The following BBS2 variants were observed in gnomAD, a reference collection of about 807,000 sequenced individuals.
The protein encoded by BBS2 is BBSome complex member BBS2.
A neutral mutation model predicts 83.0 loss-of-function variants in BBS2; 62 were observed. That is an observed-to-expected ratio of 0.75 (90% CI 0.61 to 0.92). The LOEUF (loss-of-function observed/expected upper bound fraction) is 0.92, where lower values mean the gene tolerates loss of function less well. Ranked by LOEUF, BBS2 falls within the 40% of genes least tolerant of loss-of-function variation. The probability of loss-of-function intolerance (pLI) is 0.00; values close to 1 mark genes in which losing one functional copy is unlikely to be tolerated. For synonymous variants in BBS2, 303 were observed against 326.1 expected, an observed-to-expected ratio of 0.93 and a Z score of 0.76; for missense variants, 784 against 901.0, an observed-to-expected ratio of 0.87 and a Z score of 1.66.
intron 16 of BBS2, 64 bp from the exon 17 acceptor site, chr16:56,484,931 C>T (rs978580564): frequency 2.0e-5 from 26 of 1,286,250 alleles, no homozygotes; most frequent in Admixed American, 1.4e-4. Flanking sequence ...AATTAGACGT[C>T]AGTTTTAAAA....
intron 8 of BBS2, 41 bp downstream of exon 8, chr16:56,502,632 G>GA (rs1388189482): frequency 2.5e-6 from 4 of 1,613,906 alleles, no homozygotes; most frequent in Non-Finnish European, 3.4e-6. Flanking sequence ...CAATCAAATG[G>GA]AAAACGTGAC....
chr16:56,494,798 T>G (rs1964066338), intron 15 of BBS2, among the ~76,000 whole-genome samples: 1 of 151,746 alleles, frequency 6.6e-6, no homozygotes, highest in African/African-American at 2.4e-5. Context: ...CTGTCTCTAC[T>G]GAAAATACAA....
At chr16:56,485,146 C>T (rs944300958) in intron 16 of BBS2, among the ~76,000 whole-genome samples, 14 of 152,134 alleles carry the variant, frequency 9.2e-5, no homozygotes, top group Admixed American at 2.0e-4. Flanking sequence ...GTCAAAGCAT[C>T]GACCCAAAAC....
chr16:56,499,545 G>A (rs1964202535), intron 12 of BBS2: 1 of 488,334 alleles, frequency 2.0e-6, no homozygotes, highest in South Asian at 2.0e-5. Flanking sequence ...ATTAAACACT[G>A]GTAAGAATTC....
Position 56,501,131 on chromosome 16 carries a change from A to G in BBS2, c.1226-106T>C, listed in dbSNP as rs1256452194. The G allele has an allele frequency of 2.9e-6, 4 of 1,392,584 alleles. No homozygotes were observed. In the Admixed American group the frequency reaches 6.8e-5, roughly 24 times the overall value. The allele number at this position is 1,392,584 out of a possible 1,614,324, so 86.3% of individuals were successfully genotyped here. A position where few individuals can be genotyped will look rare whatever the true frequency, so the allele number is the denominator to read the frequency against. On this transcript the variant is annotated intron_variant, in intron 10 of 16. Transcript: ENST00000245157. ...CGAGACCATCTTGGCTAACACGGTG[A>G]AACCCTATCTCTACTAAAAATACAA...
Position 56,484,812 on chromosome 16 carries a change from A to G in BBS2, c.2115T>C (p.Asn705=). Residue 705 remains asparagine, a synonymous_variant, in exon 17 of 17, where the codon AAT becomes AAC. Transcript: ENST00000245157. ...TGATTTTGAACAGTGTGTTGATGTT[A>G]TTGCTTCGAATTGCATCCCGACAAG... is the stretch of plus-strand genomic sequence containing the variant. ...ITACRDAIRS[N]NINTLFKIMR... 2 of 1,614,050 alleles carry G rather than the reference A, an allele frequency of 1.2e-6. No individual in the cohort carries two copies.
intron 15 of BBS2, among the ~76,000 whole-genome samples, chr16:56,495,798 A>ATG (rs1964100372): frequency 2.3e-5 from 3 of 130,088 alleles, no homozygotes; most frequent in African/African-American, 9.3e-5. Flanking sequence ...GTGTATATAT[A>ATG]TGTATATATA....
downstream of BBS2, among the ~76,000 whole-genome samples, chr16:56,483,460 A>G (rs1004976141): frequency 1.3e-5 from 2 of 152,220 alleles, no homozygotes; most frequent in Admixed American, 1.3e-4. Flanking sequence ...CTCAGGTAGA[A>G]AAGTTTGTCC....
In BBS2 at chr16:56,519,963, G is replaced by A. The variant is rs914930776; in HGVS notation, c.-101C>T. 6.2e-5 allele frequency: 64 copies of A among 1,025,370 alleles called. No homozygotes were observed. In the Admixed American group the frequency reaches 6.4e-4, roughly 10 times the overall value. 63.5% of individuals were successfully genotyped at this position (1,025,370 alleles called of 1,614,324 possible). A position where few individuals can be genotyped will look rare whatever the true frequency, so the allele number is the denominator to read the frequency against. The stretch of plus-strand genomic sequence containing the variant: ...AGAAGTGCAGGGACACTACCTGCGC[G>A]GCCCCAGCCGCCTCAGGCCGGACGC... On this transcript the variant is annotated 5_prime_UTR_variant, in exon 1 of 17. Transcript: ENST00000245157.
Position 56,510,903 on chromosome 16 carries a change from T to A in BBS2, c.490A>T (p.Asn164Tyr). ...TCAAAGTCACACAAGGCCAAGGAAT[T>A]AACATTGTCTCCAGTAACCTGAAAA... ...LFWTVTGDNV[N>Y]SLALCDFDGD... Residue 164 changes from asparagine to tyrosine, a missense_variant, in exon 4 of 17, where the codon AAT (asparagine) becomes TAT (tyrosine). Physicochemically the swap from Asn to Tyr is moderately radical, Grantham distance 143. Transcript: ENST00000245157. 3 of 1,614,086 alleles carry A rather than the reference T, an allele frequency of 1.9e-6. No homozygotes were observed. Among genetic ancestry groups the A allele is most frequent in the Non-Finnish European group, 2.5e-6 (3 of 1,179,978 alleles).
downstream of BBS2, among the ~76,000 whole-genome samples, chr16:56,480,352 C>CAAAAAAAAA (rs1286219655): frequency 8.8e-4 from 67 of 76,486 alleles, 1 homozygote; most frequent in African/African-American, 2.2e-3. Flanking sequence ...CACACACACA[C>CAAAAAAAAA]AAAAAAAAAA....
intron 15 of BBS2, among the ~76,000 whole-genome samples, chr16:56,487,270 T>C (rs1050255374): frequency 1.3e-5 from 2 of 151,272 alleles, no homozygotes; most frequent in Non-Finnish European, 2.9e-5. Flanking sequence ...AAGAGAGAGA[T>C]AGAGAGATAG....
chr16:56,507,525 G>T (rs1964453133), intron 5 of BBS2, among the ~76,000 whole-genome samples: 1 of 152,088 alleles, frequency 6.6e-6, no homozygotes, highest in Non-Finnish European at 1.5e-5. Flanking sequence ...GAATGAAAGG[G>T]ATATGAGAAT....
intron 1 of BBS2, chr16:56,516,075 A>C (rs1341416035): frequency 1.3e-5 from 2 of 152,224 alleles, no homozygotes; most frequent in East Asian, 3.9e-4. Flanking sequence ...GAATGGAAAG[A>C]GTTTGCAATT....
rs1351668761 is a variant in BBS2, at chr16:56,485,571, G to A, written c.2059+19C>T. ...AAAACATTACAGATCAAAGTGCAGT[G>A]TTATGAAAAGAGACTTACCCCGCAG... On this transcript the variant is annotated intron_variant, in intron 16 of 16. Transcript: ENST00000245157. 1.2e-6 allele frequency: 2 copies of A among 1,613,846 alleles called. No homozygotes were observed. Among genetic ancestry groups the A allele is most frequent in the Admixed American group, 1.7e-5 (1 of 60,016 alleles).
At position 56,474,988 on chromosome 16, in the gene BBS2, T is replaced by C. The variant is rs370319709; in HGVS notation, c.*1-4293A>G. 2.6e-5 allele frequency: 42 copies of C among 1,607,896 alleles called. 1 individual carries two copies. In the Middle Eastern group the frequency reaches 5.0e-4, roughly 19 times the overall value. ...AAAGCAAGCGGTGGATTATTCCCCG[T>C]AGGAGGGGCAGTCTCTTCTGAGGGA... is the stretch of plus-strand genomic sequence containing the variant. On this transcript the variant is annotated intron_variant, in intron 17 of 17. Coordinates refer to the BBS2 transcript ENST00000682047.
At chr16:56,473,331 C>T (rs1963292308) in intron 17 of BBS2, among the ~76,000 whole-genome samples, 1 of 152,206 alleles carries the variant, frequency 6.6e-6, no homozygotes, top group African/African-American at 2.4e-5. Context: ...ACACCGTTCT[C>T]TAGTATACTT....
rs572022438 is a variant in BBS2, at chr16:56,501,965, G to A, written c.1080+352C>T. ...CTTGCCTTTTGTCACTTGGTAAGAC[G>A]ACAGATATCCTTCCATATCAGTCCA... On this transcript the variant is annotated intron_variant, in intron 9 of 16. Transcript: ENST00000245157. 361 of 382,282 alleles carry A rather than the reference G, an allele frequency of 9.4e-4. 4 individuals carry two copies. The highest frequency in any genetic ancestry group is 3.0e-4 in the Non-Finnish European group (60 of 202,716). The allele number at this position is 382,282 out of a possible 1,614,324, so 23.7% of individuals were successfully genotyped here. A position where few individuals can be genotyped will look rare whatever the true frequency, so the allele number is the denominator to read the frequency against.
chr16:56,519,642 G>A (rs1016548631), intron 1 of BBS2, 104 bp downstream of exon 1: 94 of 912,860 alleles, frequency 1.0e-4, no homozygotes, highest in Non-Finnish European at 1.6e-4. Flanking sequence ...CGGGCAACAC[G>A]GGCTGGGGGC....
Sources: allele counts gnomAD v4.1 joint callset (sites outside exome capture counted in the v4.1 genomes callset), GRCh38; gene constraint gnomAD v4.1.1; transcripts MANE v1.5; gene names NCBI Gene and HGNC (gene_info 2026-07-23, HGNC 2026-07-21).